SRGAP2C: variants seen among roughly 807,000 people sequenced by gnomAD.
SRGAP2C encodes SLIT-ROBO Rho GTPase-activating protein 2C.
In SRGAP2C, 15 loss-of-function variants were observed where a neutral mutation model predicts 25.1. That is an observed-to-expected ratio of 0.60 (90% CI 0.40 to 0.92). The LOEUF (loss-of-function observed/expected upper bound fraction) is 0.92. SRGAP2C is among the 40% of genes least tolerant of loss of function. The pLI, the probability that SRGAP2C is intolerant of heterozygous loss-of-function variation, is 0.00. For missense variants in SRGAP2C, 144 were observed against 264.4 expected, an observed-to-expected ratio of 0.54 and a Z score of 3.16; for synonymous variants, 44 against 96.6, an observed-to-expected ratio of 0.46 and a Z score of 3.19.
chr1:121,345,293 T>A (rs1190967868), intron 4 of SRGAP2C, among the ~76,000 whole-genome samples: 3 of 151,718 alleles, frequency 2.0e-5, no homozygotes, highest in Admixed American at 6.6e-5. Context: ...ATCCTTTGCT[T>A]ACTAATTTTT....
At chr1:121,212,366 G>A (rs1476184384) in intron 2 of SRGAP2C, among the ~76,000 whole-genome samples, 12 of 151,948 alleles carry the variant, frequency 7.9e-5, no homozygotes, top group East Asian at 5.8e-4. Context: ...ACTTGACCTC[G>A]TGATCTGCTT....
chr1:121,377,081 G>A (rs1447724257), intron 7 of SRGAP2C, among the ~76,000 whole-genome samples: 4 of 147,858 alleles, frequency 2.7e-5, no homozygotes, highest in Admixed American at 1.4e-4. Context: ...TCCAAGAAGC[G>A]AGGTATTTTG....
intron 2 of SRGAP2C, among the ~76,000 whole-genome samples, chr1:121,259,476 T>C (rs1294087235): frequency 2.9e-5 from 2 of 70,068 alleles, no homozygotes; most frequent in Admixed American, 1.4e-4. Context: ...TGAGACTGTC[T>C]CAAAAAAAAA....
rs1485785168 is a variant in SRGAP2C at position 121,284,877 on chromosome 1, G to A, written c.142G>A (p.Asp48Asn). Residue 48 changes from aspartate (D) to asparagine (N), a missense_variant, in exon 3 of 10, where the codon GAC (aspartate) becomes AAC (asparagine). This residue lies in a region of SRGAP2C where 17 missense variants were observed against 40.3 expected (regional missense o/e 0.42). Transcript: ENST00000367123. ...QCELRVQLLQ[D>N]LQDFFRKKAE... ...TGAGCTTCGGGTGCAACTGTTGCAG[G>A]ACCTCCAGGACTTCTTCCGAAAGAA... The A allele has an allele frequency of 8.3e-7, 1 of 1,205,806 alleles. No homozygotes were observed. The highest frequency in any genetic ancestry group is 2.5e-5 in the East Asian group (1 of 39,260). The allele number at this position is 1,205,806 out of a possible 1,614,324, so 74.7% of individuals were successfully genotyped here.
rs1657327686 is a variant in SRGAP2C at position 121,285,002 on chromosome 1, G to A, written c.260+7G>A. ...CCAAGGACCAGCAATTCAAGTAGGGGCTCTGTGGCTATTACTCTCTGAGAC... is the reference window on the plus strand; with the variant it reads ...CCAAGGACCAGCAATTCAAGTAGGGACTCTGTGGCTATTACTCTCTGAGAC... On this transcript the variant is annotated splice_region_variant and intron_variant, in intron 3 of 9. Transcript: ENST00000367123. 2.5e-5 allele frequency: 36 copies of A among 1,452,116 alleles called. No homozygotes were observed. In the South Asian group the frequency reaches 4.3e-4, roughly 17 times the overall value. The allele number at this position is 1,452,116 out of a possible 1,614,324, so 90.0% of individuals were successfully genotyped here. A position where few individuals can be genotyped will look rare whatever the true frequency, so the allele number is the denominator to read the frequency against.
At chr1:121,265,777 TTATCTC>T (rs1322728716) in intron 2 of SRGAP2C, among the ~76,000 whole-genome samples, 12 of 152,026 alleles carry the variant, frequency 7.9e-5, no homozygotes, top group African/African-American at 2.6e-4. Flanking sequence ...TTGGATATGT[TTATCTC>T]TATATCTTAT....
chr1:121,363,497 A>G (rs2101648302), intron 4 of SRGAP2C, among the ~76,000 whole-genome samples: 1 of 116,660 alleles, frequency 8.6e-6, no homozygotes, highest in East Asian at 2.3e-4. Context: ...AATGTGAAAT[A>G]AACATTCATA....
chr1:121,222,115 A>G (rs1244688278), intron 2 of SRGAP2C, among the ~76,000 whole-genome samples: 2 of 151,950 alleles, frequency 1.3e-5, no homozygotes, highest in African/African-American at 4.8e-5. Flanking sequence ...CAACTATCCC[A>G]TACCACCTTA....
At chr1:121,291,069 C>T (rs1657481253) in intron 3 of SRGAP2C, among the ~76,000 whole-genome samples, 1 of 132,844 alleles carries the variant, frequency 7.5e-6, no homozygotes. Context: ...AAACAGAAGG[C>T]CAGGATGAAG....
At chr1:121,264,785 C>G (rs1553334031) in intron 2 of SRGAP2C, among the ~76,000 whole-genome samples, 2 of 135,414 alleles carry the variant, frequency 1.5e-5, no homozygotes, top group Admixed American at 7.7e-5. Flanking sequence ...TTATGGTAGT[C>G]TGTCTTCTCT....
At chr1:121,335,168 C>G (rs1254839298) in intron 4 of SRGAP2C, among the ~76,000 whole-genome samples, 2 of 151,242 alleles carry the variant, frequency 1.3e-5, no homozygotes, top group Non-Finnish European at 2.9e-5. Flanking sequence ...TGGTACGTGC[C>G]TGTAATCCCA....
intron 2 of SRGAP2C, among the ~76,000 whole-genome samples, chr1:121,270,666 T>C (rs1333914163): frequency 1.5e-5 from 2 of 137,800 alleles, no homozygotes; most frequent in Admixed American, 7.4e-5. Context: ...GCTACTTTGA[T>C]AATCATCAGC....
chr1:121,353,090 C>CA (rs1373682638), intron 4 of SRGAP2C, among the ~76,000 whole-genome samples: 2 of 148,848 alleles, frequency 1.3e-5, no homozygotes, highest in East Asian at 2.0e-4. Flanking sequence ...ACTCCATCTC[C>CA]AAAAAAAAGA....
intron 4 of SRGAP2C, among the ~76,000 whole-genome samples, chr1:121,329,465 A>C (rs1282180684): frequency 7.4e-6 from 1 of 134,754 alleles, no homozygotes; most frequent in Middle Eastern, 3.3e-3. Flanking sequence ...GAACATCAAC[A>C]TTGGATTGTT....
chr1:121,187,977 T>A (rs1461140189), intron 2 of SRGAP2C, among the ~76,000 whole-genome samples: 1 of 151,938 alleles, frequency 6.6e-6, no homozygotes, highest in Non-Finnish European at 1.5e-5. Context: ...GAGGAGGGGT[T>A]TTTCGGATGC....
At chr1:121,329,447 G>T (rs1220491748) in intron 4 of SRGAP2C, among the ~76,000 whole-genome samples, 22 of 131,072 alleles carry the variant, frequency 1.7e-4, no homozygotes, top group South Asian at 2.9e-4. Flanking sequence ...AAAGGGTATG[G>T]AGATGTTGAA....
intron 2 of SRGAP2C, among the ~76,000 whole-genome samples, chr1:121,273,805 T>C (rs1657036371): frequency 6.6e-6 from 1 of 151,848 alleles, no homozygotes; most frequent in Non-Finnish European, 1.5e-5. Flanking sequence ...TTGACATGAC[T>C]GCTGATTGAA....
At chr1:121,370,468 G>A (rs1267518252) in intron 5 of SRGAP2C, among the ~76,000 whole-genome samples, 1 of 120,994 alleles carries the variant, frequency 8.3e-6, no homozygotes, top group East Asian at 2.5e-4. Context: ...TTGAGATGGA[G>A]TCTCGCTCTG....
intron 2 of SRGAP2C, among the ~76,000 whole-genome samples, chr1:121,257,260 C>T (rs1196331082): frequency 6.9e-6 from 1 of 143,924 alleles, no homozygotes; most frequent in Non-Finnish European, 1.5e-5. Flanking sequence ...AGACTACAGG[C>T]ACGCATCGCC....
Sources: allele counts gnomAD v4.1 joint callset (sites outside exome capture counted in the v4.1 genomes callset), GRCh38; gene constraint gnomAD v4.1.1; regional missense constraint gnomAD v4.1.1; transcripts MANE v1.5; gene names NCBI Gene and HGNC (gene_info 2026-07-23, HGNC 2026-07-21).